Variants in ZFHX3 observed in about 807,000 individuals in gnomAD.
ZFHX3 encodes zinc finger homeobox protein 3.
ZFHX3 carries 42 observed loss-of-function variants against 279.1 expected under a neutral mutation model. The observed-to-expected ratio is 0.15, with a 90% CI of 0.12 to 0.19. The LOEUF is 0.19. Ranked by LOEUF, ZFHX3 falls within the 10% of genes least tolerant of loss-of-function variation. The pLI, the probability that ZFHX3 is intolerant of heterozygous loss-of-function variation, is 1.00. For synonymous variants in ZFHX3, 2,293 were observed against 1,957.8 expected, an observed-to-expected ratio of 1.17 and a Z score of -4.52; for missense variants, 4,981 against 4,754.0, an observed-to-expected ratio of 1.05 and a Z score of -1.40.
intron 1 of ZFHX3, among the ~76,000 whole-genome samples, chr16:73,861,104 C>T (rs1358873465): frequency 6.6e-6 from 1 of 151,646 alleles, no homozygotes; most frequent in African/African-American, 2.4e-5. Context: ...GCTGAGACTA[C>T]AGGCAAGTGC....
At chr16:73,763,267 C>T (rs1178456224) in intron 1 of ZFHX3, among the ~76,000 whole-genome samples, 1 of 152,108 alleles carries the variant, frequency 6.6e-6, no homozygotes, top group African/African-American at 2.4e-5. Flanking sequence ...CAAGTCTTAC[C>T]AAATCTTTAA....
At chr16:73,267,560 C>T (rs1358184111) in intron 4 of ZFHX3, among the ~76,000 whole-genome samples, 2 of 152,170 alleles carry the variant, frequency 1.3e-5, no homozygotes, top group Non-Finnish European at 2.9e-5. Flanking sequence ...GCCTCAATGA[C>T]ATCCGGTGGT....
intron 3 of ZFHX3, among the ~76,000 whole-genome samples, chr16:73,455,213 T>C (rs1490782485): frequency 1.3e-5 from 2 of 152,162 alleles, no homozygotes; most frequent in Non-Finnish European, 2.9e-5. Context: ...GGTGAATGCA[T>C]TTAGTTCATA....
intron 2 of ZFHX3, among the ~76,000 whole-genome samples, chr16:73,519,117 G>A (rs1014589748): frequency 3.9e-5 from 6 of 152,018 alleles, no homozygotes; most frequent in Non-Finnish European, 7.4e-5. Flanking sequence ...AATTCCAGAC[G>A]GTTGAAAATG....
chr16:72,940,911 C>T (rs1162008870), intron 3 of ZFHX3, among the ~76,000 whole-genome samples: 1 of 152,242 alleles, frequency 6.6e-6, no homozygotes, highest in Non-Finnish European at 1.5e-5. Flanking sequence ...TGATTAGTCC[C>T]AATTTAAACC....
At chr16:73,375,705 T>C (rs74028606) in intron 3 of ZFHX3, among the ~76,000 whole-genome samples, 6,076 of 152,260 alleles carry the variant, frequency 0.04, 316 homozygotes, top group African/African-American at 0.12. Context: ...ATCTCAATTA[T>C]CCATGATAAT....
rs535252542 is a variant in ZFHX3 at position 73,835,737 on chromosome 16, C to G, written c.-1608+55914G>C. On this transcript the variant is annotated intron_variant, in intron 1 of 17. Coordinates refer to the ZFHX3 transcript ENST00000641206. ...CCACCTGCCTCGGCCTTCCAGAGTG[C>G]TGGGATTACAGGCATGAGCCACCAC... 6.6e-5 allele frequency among the ~76,000 whole-genome samples: 10 copies of G among 152,222 alleles called. No homozygotes were observed. The South Asian group carries it at 2.1e-3, about 32-fold the overall frequency.
chr16:73,608,461 G>A (rs1458710415), intron 2 of ZFHX3, among the ~76,000 whole-genome samples: 1 of 152,092 alleles, frequency 6.6e-6, no homozygotes, highest in African/African-American at 2.4e-5. Context: ...ATACAGACCA[G>A]GTAAAATGAC....
intron 1 of ZFHX3, among the ~76,000 whole-genome samples, chr16:73,003,120 G>A (rs1428323170): frequency 1.3e-5 from 2 of 152,134 alleles, no homozygotes; most frequent in African/African-American, 2.4e-5. Context: ...CCATATGGCT[G>A]CACCACAGTT....
chr16:72,914,510 T>C (rs988754529), intron 3 of ZFHX3, among the ~76,000 whole-genome samples: 2 of 152,054 alleles, frequency 1.3e-5, no homozygotes, highest in African/African-American at 2.4e-5. Flanking sequence ...GCAGGCAGAC[T>C]TGGGGGAGAA....
At chr16:73,343,151 A>G (rs917585042) in intron 3 of ZFHX3, among the ~76,000 whole-genome samples, 1 of 152,014 alleles carries the variant, frequency 6.6e-6, no homozygotes, top group Non-Finnish European at 1.5e-5. Context: ...TTTTTCCCCT[A>G]AATATACAGG....
At chr16:73,448,915 A>G (rs2018237982) in intron 3 of ZFHX3, among the ~76,000 whole-genome samples, 1 of 152,204 alleles carries the variant, frequency 6.6e-6, no homozygotes, top group Admixed American at 6.5e-5. Context: ...GGAAATTTAG[A>G]TAAGCCACAG....
chr16:73,496,794 G>C (rs2019149419), intron 2 of ZFHX3, among the ~76,000 whole-genome samples: 1 of 152,192 alleles, frequency 6.6e-6, no homozygotes, highest in Non-Finnish European at 1.5e-5. Flanking sequence ...GGCACTGGGA[G>C]GAGTCTGGGG....
chr16:73,794,959 C>T (rs1318689158), intron 1 of ZFHX3, among the ~76,000 whole-genome samples: 1 of 152,152 alleles, frequency 6.6e-6, no homozygotes. Flanking sequence ...AAAAATTGTG[C>T]CTTCACATGC....
chr16:73,509,918 G>A (rs886673842), intron 2 of ZFHX3, among the ~76,000 whole-genome samples: 5 of 152,084 alleles, frequency 3.3e-5, no homozygotes, highest in Admixed American at 6.6e-5. Flanking sequence ...CTGGTCTTGA[G>A]CTCCTGACTT....
chr16:73,786,385 T>A (rs1959647118), intron 1 of ZFHX3, among the ~76,000 whole-genome samples: 1 of 152,180 alleles, frequency 6.6e-6, no homozygotes, highest in Non-Finnish European at 1.5e-5. Flanking sequence ...TTGATTCATA[T>A]TATAAAATGA....
At chr16:72,892,931 G>C (rs915891303) in intron 3 of ZFHX3, among the ~76,000 whole-genome samples, 1 of 152,176 alleles carries the variant, frequency 6.6e-6, no homozygotes, top group African/African-American at 2.4e-5. Context: ...CAATCCTGGG[G>C]AGAAGGAAGG....
intron 2 of ZFHX3, among the ~76,000 whole-genome samples, chr16:73,586,224 G>A (rs1331064462): frequency 6.6e-6 from 1 of 151,090 alleles, no homozygotes; most frequent in Non-Finnish European, 1.5e-5. Flanking sequence ...CCCCGTCTCT[G>A]TTAAAAATAA....
At chr16:73,222,758 T>C (rs1456799853) in intron 5 of ZFHX3, among the ~76,000 whole-genome samples, 3 of 151,988 alleles carry the variant, frequency 2.0e-5, no homozygotes, top group Non-Finnish European at 4.4e-5. Context: ...CAAGAATAGC[T>C]AACATAATAT....
Sources: allele counts gnomAD v4.1 joint callset (sites outside exome capture counted in the v4.1 genomes callset), GRCh38; gene constraint gnomAD v4.1.1; transcripts MANE v1.5; gene names NCBI Gene and HGNC (gene_info 2026-07-23, HGNC 2026-07-21).